Variants in CCDC148 observed in about 807,000 individuals in gnomAD.
CCDC148 encodes the protein coiled-coil domain containing 148.
A neutral mutation model predicts 85.7 loss-of-function variants in CCDC148; 89 were observed. The ratio of observed to expected loss-of-function variants is 1.04; its 90% CI spans 0.87 to 1.24. The LOEUF is 1.24. Ranked by LOEUF, CCDC148 falls within the 50% of genes most tolerant of loss-of-function variation. The pLI is 0.00. For synonymous variants in CCDC148, 230 were observed against 213.9 expected, an observed-to-expected ratio of 1.08 and a Z score of -0.66; for missense variants, 692 against 671.7, an observed-to-expected ratio of 1.03 and a Z score of -0.33.
rs575320776 is a variant in CCDC148, at chr2:158,338,431, T to C, written c.764+295A>G. Among the ~76,000 whole-genome samples the C allele has an allele frequency of 2.6e-5, 4 of 152,270 alleles. No individual in the cohort carries two copies. The East Asian group carries it at 7.7e-4, about 29-fold the overall frequency. On this transcript the variant is annotated intron_variant, in intron 7 of 13. Coordinates refer to ENST00000283233, the MANE Select transcript of CCDC148 (RefSeq NM_138803.4). ...CAGCTTCACATCTTGAAAAGAAAAGTTGTGGTTACTGAAAATTCATATTTG... is the reference window on the plus strand; with the variant it reads ...CAGCTTCACATCTTGAAAAGAAAAGCTGTGGTTACTGAAAATTCATATTTG...
chr2:158,218,669 C>T (rs1162539728), intron 11 of CCDC148, among the ~76,000 whole-genome samples: 1 of 152,178 alleles, frequency 6.6e-6, no homozygotes, highest in Non-Finnish European at 1.5e-5. Flanking sequence ...GGTAGGATAG[C>T]TTTAGACTGA....
At chr2:158,332,354 G>T (rs1428985302) in intron 7 of CCDC148, among the ~76,000 whole-genome samples, 2 of 150,400 alleles carry the variant, frequency 1.3e-5, no homozygotes, top group African/African-American at 2.5e-5. Context: ...TTCTGGCTTG[G>T]AGAGTTTCTG....
chr2:158,432,581 T>C (rs1314338963), intron 1 of CCDC148, among the ~76,000 whole-genome samples: 1 of 152,176 alleles, frequency 6.6e-6, no homozygotes, highest in Non-Finnish European at 1.5e-5. Flanking sequence ...ATCTATTAAC[T>C]CAATTTCCTT....
At chr2:158,331,696 T>G (rs1693134065) in intron 7 of CCDC148, among the ~76,000 whole-genome samples, 1 of 152,204 alleles carries the variant, frequency 6.6e-6, no homozygotes, top group Admixed American at 6.5e-5. Context: ...GCTCCTGTAT[T>G]GGGTGCACAT....
chr2:158,348,803 T>G (rs1420514443), intron 2 of CCDC148, among the ~76,000 whole-genome samples: 1 of 152,034 alleles, frequency 6.6e-6, no homozygotes, highest in African/African-American at 2.4e-5. Context: ...TGTGCATATG[T>G]TTATAATTTT....
rs113506454 is a variant in CCDC148, at chr2:158,381,720, C to G, written c.26-23150G>C. 3.1e-3 allele frequency among the ~76,000 whole-genome samples: 477 copies of G among 152,190 alleles called. 2 individuals carry two copies. The highest frequency in any genetic ancestry group is 0.011 in the African/African-American group (456 of 41,530). On this transcript the variant is annotated intron_variant, in intron 1 of 13. Coordinates refer to ENST00000283233, the MANE Select transcript of CCDC148 (RefSeq NM_138803.4). ...AGCCTGGGCAACAAACAGATACTGA[C>G]TCTACAAAAAAAATGAAAAACTAGC...
rs183646942 is a variant in CCDC148, at chr2:158,283,055, C to A, written c.1110+26378G>T. 1.8e-3 allele frequency among the ~76,000 whole-genome samples: 267 copies of A among 152,232 alleles called. 1 individual carries two copies. Among genetic ancestry groups the A allele is most frequent in the African/African-American group, 6.0e-3 (249 of 41,526 alleles). Reference sequence around the variant, plus strand: ...AGGATTCCCTATTTAATAAATGGTGCTGGGAAAACTGGCTAGCCATATGTA... The same window carrying A: ...AGGATTCCCTATTTAATAAATGGTGATGGGAAAACTGGCTAGCCATATGTA... On this transcript the variant is annotated intron_variant, in intron 9 of 13. Coordinates refer to ENST00000283233, the MANE Select transcript of CCDC148 (RefSeq NM_138803.4).
At chr2:158,268,415 T>C (rs540777441) in intron 9 of CCDC148, among the ~76,000 whole-genome samples, 1 of 152,248 alleles carries the variant, frequency 6.6e-6, no homozygotes, top group African/African-American at 2.4e-5. Context: ...GTGTACCATC[T>C]CACGTCCTCT....
intron 9 of CCDC148, among the ~76,000 whole-genome samples, chr2:158,261,099 C>T (rs966662222): frequency 1.3e-5 from 2 of 151,856 alleles, no homozygotes; most frequent in Admixed American, 1.3e-4. Context: ...GGAGGCATTA[C>T]ATTACCTGAC....
At chr2:158,225,564 T>G (rs918162393) in intron 10 of CCDC148, among the ~76,000 whole-genome samples, 1 of 152,176 alleles carries the variant, frequency 6.6e-6, no homozygotes, top group Non-Finnish European at 1.5e-5. Context: ...AGTAAAGCAC[T>G]CCTCAGCAAA....
chr2:158,271,052 C>A (rs975250902), intron 9 of CCDC148, among the ~76,000 whole-genome samples: 5 of 152,086 alleles, frequency 3.3e-5, no homozygotes, highest in African/African-American at 1.2e-4. Context: ...AGTTTTATAA[C>A]CAAGCATTGC....
intron 1 of CCDC148, chr2:158,425,174 T>G (rs1687017669): frequency 1.9e-6 from 1 of 525,144 alleles, no homozygotes; most frequent in East Asian, 5.2e-5. Flanking sequence ...ATGGCAGATA[T>G]GATCATGCTG....
intron 1 of CCDC148, among the ~76,000 whole-genome samples, chr2:158,455,258 G>A (rs1233775305): frequency 6.6e-6 from 1 of 152,130 alleles, no homozygotes; most frequent in African/African-American, 2.4e-5. Context: ...AGCACTTCCT[G>A]GCCCCTGCTG....
At chr2:158,279,159 T>TA (rs1191343389) in intron 9 of CCDC148, among the ~76,000 whole-genome samples, 1 of 151,944 alleles carries the variant, frequency 6.6e-6, no homozygotes, top group Non-Finnish European at 1.5e-5. Flanking sequence ...CAAAAGTAGA[T>TA]AAAACCACAA....
At chr2:158,406,612 T>TC (rs1686010994) in intron 1 of CCDC148, among the ~76,000 whole-genome samples, 1 of 114,984 alleles carries the variant, frequency 8.7e-6, no homozygotes, top group Non-Finnish European at 1.9e-5. Context: ...AGATTAAATT[T>TC]CTTTTTTTTT....
chr2:158,371,542 T>C (rs1297570629), intron 1 of CCDC148, among the ~76,000 whole-genome samples: 1 of 152,024 alleles, frequency 6.6e-6, no homozygotes, highest in South Asian at 2.1e-4. Flanking sequence ...AGAATTTCTA[T>C]GCATTTGTAA....
At position 158,300,083 on chromosome 2, in the gene CCDC148, A is replaced by C. The variant is rs188797529; in HGVS notation, c.1110+9350T>G. Reference sequence around the variant, plus strand: ...TATGGGTAGTCAGGTTTTATTTTTAAAACTACATTTGGCATCTCAGAATAT... The same window carrying C: ...TATGGGTAGTCAGGTTTTATTTTTACAACTACATTTGGCATCTCAGAATAT... On this transcript the variant is annotated intron_variant, in intron 9 of 13. Coordinates refer to ENST00000283233, the MANE Select transcript of CCDC148 (RefSeq NM_138803.4). Among the ~76,000 whole-genome samples, 317 of 152,326 alleles carry C rather than the reference A, an allele frequency of 2.1e-3. 1 individual carries two copies. Among genetic ancestry groups the C allele is most frequent in the African/African-American group, 7.4e-3 (308 of 41,580 alleles).
At chr2:158,382,289 G>A (rs1378178421) in intron 1 of CCDC148, among the ~76,000 whole-genome samples, 1 of 152,120 alleles carries the variant, frequency 6.6e-6, no homozygotes, top group Non-Finnish European at 1.5e-5. Flanking sequence ...CACACCAGAT[G>A]TCTACCAATA....
intron 1 of CCDC148, among the ~76,000 whole-genome samples, chr2:158,420,560 C>T (rs1283551672): frequency 6.6e-6 from 1 of 152,220 alleles, no homozygotes; most frequent in Non-Finnish European, 1.5e-5. Context: ...CACCACCAGG[C>T]CTGCCTTACA....
Sources: gnomAD v4.1 joint callset for allele counts (sites outside exome capture counted in the v4.1 genomes callset) on GRCh38, gnomAD v4.1.1 for gene constraint, MANE v1.5 for transcripts, NCBI Gene and HGNC (gene_info 2026-07-23, HGNC 2026-07-21) for gene names.